OSBPL9: variants seen among roughly 807,000 people sequenced by gnomAD.
OSBPL9 encodes the protein oxysterol-binding protein-related protein 9.
In OSBPL9, 40 loss-of-function variants were observed where a neutral mutation model predicts 106.6. That is an observed-to-expected ratio of 0.38 (90% CI 0.29 to 0.49). OSBPL9 has a LOEUF of 0.49. Among genes scored for constraint, OSBPL9 ranks in the 20% least tolerant of loss-of-function variants. The probability of loss-of-function intolerance (pLI) is 0.97; values close to 1 mark genes in which losing one functional copy is unlikely to be tolerated. For missense variants in OSBPL9, 609 were observed against 887.2 expected, an observed-to-expected ratio of 0.69 and a Z score of 3.98; for synonymous variants, 269 against 295.4, an observed-to-expected ratio of 0.91 and a Z score of 0.92.
intron 2 of OSBPL9, among the ~76,000 whole-genome samples, chr1:51,601,923 A>G (rs571743452): frequency 6.6e-6 from 1 of 151,958 alleles, no homozygotes; most frequent in South Asian, 2.1e-4. Context: ...TAACTTTGCC[A>G]AAATCTCTCT....
At chr1:51,785,528 T>C (rs1237695578) in intron 20 of OSBPL9, 1 of 421,766 alleles carries the variant, frequency 2.4e-6, no homozygotes, top group African/African-American at 2.1e-5. Flanking sequence ...GTGAACAGCT[T>C]GAGGATAGGG....
intron 8 of OSBPL9, chr1:51,752,525 T>C (rs1669481135): frequency 2.2e-6 from 1 of 456,134 alleles, no homozygotes; most frequent in African/African-American, 2.0e-5. Context: ...GTGAGGAATT[T>C]GCTCGTCTTA....
intron 15 of OSBPL9, among the ~76,000 whole-genome samples, chr1:51,779,461 T>C (rs920665356): frequency 2.0e-5 from 3 of 152,112 alleles, no homozygotes; most frequent in African/African-American, 4.8e-5. Context: ...GAAGATAACA[T>C]TGGAAAAACT....
intron 2 of OSBPL9, 55 bp downstream of exon 2, chr1:51,652,096 C>T (rs1646552656): frequency 7.5e-7 from 1 of 1,340,800 alleles, no homozygotes; most frequent in East Asian, 2.4e-5. Flanking sequence ...AAATTGTATT[C>T]TGATAGAATT....
chr1:51,712,154 C>G (rs1315606233), intron 3 of OSBPL9, among the ~76,000 whole-genome samples: 3 of 152,208 alleles, frequency 2.0e-5, no homozygotes, highest in African/African-American at 7.2e-5. Flanking sequence ...ACTCCGTCTG[C>G]AATCCCGGCA....
At chr1:51,657,394 G>T (rs1321239164) in intron 2 of OSBPL9, among the ~76,000 whole-genome samples, 1 of 152,144 alleles carries the variant, frequency 6.6e-6, no homozygotes, top group Non-Finnish European at 1.5e-5. Context: ...AACCCTGTCA[G>T]GTAAATGCTC....
chr1:51,602,843 A>G (rs1645331050), intron 2 of OSBPL9, among the ~76,000 whole-genome samples: 1 of 152,104 alleles, frequency 6.6e-6, no homozygotes, highest in Non-Finnish European at 1.5e-5. Context: ...AAATATGTTG[A>G]TGGAATAAGG....
intron 1 of OSBPL9, among the ~76,000 whole-genome samples, chr1:51,585,786 T>C (rs1276697076): frequency 6.8e-6 from 1 of 147,784 alleles, no homozygotes; most frequent in Non-Finnish European, 1.5e-5. Context: ...AAAAAATAAA[T>C]AAATAAATAA....
intron 1 of OSBPL9, among the ~76,000 whole-genome samples, chr1:51,635,608 G>A (rs1356533319): frequency 6.6e-6 from 1 of 152,000 alleles, no homozygotes; most frequent in African/African-American, 2.4e-5. Context: ...GCAGAACTTG[G>A]GCTACTATTT....
At chr1:51,618,862 A>G (rs1236043643) in intron 1 of OSBPL9, among the ~76,000 whole-genome samples, 1 of 152,238 alleles carries the variant, frequency 6.6e-6, no homozygotes, top group African/African-American at 2.4e-5. Context: ...CAAATTATTG[A>G]CTTTTTCTAC....
intron 3 of OSBPL9, among the ~76,000 whole-genome samples, chr1:51,678,327 T>C (rs1471211973): frequency 6.6e-6 from 1 of 152,212 alleles, no homozygotes; most frequent in Non-Finnish European, 1.5e-5. Context: ...AAGTTATCTA[T>C]GGTTGGTTTC....
rs142632691 is a variant in OSBPL9, at chr1:51,688,258, A to G, written c.241+18746A>G. Among the ~76,000 whole-genome samples the G allele has an allele frequency of 2.3e-3, 358 of 152,344 alleles. 1 individual carries two copies. Among genetic ancestry groups the G allele is most frequent in the African/African-American group, 8.2e-3 (343 of 41,576 alleles). ...TGAGCCATAGCCTATCTGAAAAGAA[A>G]TACCTTTTCTAGCTTTATATATAGA... On this transcript the variant is annotated intron_variant, in intron 3 of 23. Coordinates refer to ENST00000428468, the MANE Select transcript of OSBPL9 (RefSeq NM_024586.6).
At chr1:51,597,421 ATATGTGTGTGTG>A (rs947553743) in intron 1 of OSBPL9, among the ~76,000 whole-genome samples, 9 of 100,500 alleles carry the variant, frequency 9.0e-5, no homozygotes, top group African/African-American at 2.8e-4. Flanking sequence ...ATATATATAT[ATATGTGTGTGTG>A]TGTGTGTGTG....
chr1:51,773,955 T>C (rs919167141), intron 14 of OSBPL9, among the ~76,000 whole-genome samples: 3 of 151,672 alleles, frequency 2.0e-5, no homozygotes, highest in Non-Finnish European at 4.4e-5. Flanking sequence ...GTTGTTGTTG[T>C]TGTTGTTGTT....
chr1:51,787,225 C>A, intron 22 of OSBPL9, 128 bp from the exon 23 acceptor site: 1 of 863,300 alleles, frequency 1.2e-6, no homozygotes, highest in Non-Finnish European at 1.8e-6. Flanking sequence ...TGCCCTGGTG[C>A]CAGCGTAAGG....
At chr1:51,711,561 T>G (rs1206808019) in intron 3 of OSBPL9, among the ~76,000 whole-genome samples, 2 of 131,354 alleles carry the variant, frequency 1.5e-5, no homozygotes, top group African/African-American at 6.3e-5. Flanking sequence ...GCGGAGATGC[T>G]CCTCACTTCC....
chr1:51,657,470 T>C (rs749769685), intron 2 of OSBPL9, among the ~76,000 whole-genome samples: 5 of 152,196 alleles, frequency 3.3e-5, no homozygotes, highest in Non-Finnish European at 7.3e-5. Flanking sequence ...CAAGGTCACA[T>C]AGGAATGGTG....
chr1:51,719,548 G>A (rs1163362334), intron 4 of OSBPL9, among the ~76,000 whole-genome samples: 1 of 151,934 alleles, frequency 6.6e-6, no homozygotes, highest in African/African-American at 2.4e-5. Context: ...GTTACATCCT[G>A]TAGGTTTTAT....
At chr1:51,536,410 C>T in the OSBPL9 span, among the ~76,000 whole-genome samples, 2 of 152,100 alleles carry the variant, frequency 1.3e-5, no homozygotes, top group Non-Finnish European at 2.9e-5. Flanking sequence ...TGGGCTCAAG[C>T]GATCCTCCCA....
Sources: gnomAD v4.1 joint callset for allele counts (sites outside exome capture counted in the v4.1 genomes callset) on GRCh38, gnomAD v4.1.1 for gene constraint, MANE v1.5 for transcripts, NCBI Gene and HGNC (gene_info 2026-07-23, HGNC 2026-07-21) for gene names.